The following ZNF680 variants were observed in gnomAD, a reference collection of about 807,000 sequenced individuals.
ZNF680 encodes the protein zinc finger protein 680.
ZNF680 carries 6 observed loss-of-function variants against 12.1 expected under a neutral mutation model. The observed-to-expected ratio is 0.49, with a 90% confidence interval of 0.27 to 0.98. The LOEUF (loss-of-function observed/expected upper bound fraction) is 0.98, where lower values mean the gene tolerates loss of function less well. Ranked by LOEUF, ZNF680 falls within the 50% of genes least tolerant of loss-of-function variation. ZNF680 has a pLI of 0.12. For synonymous variants in ZNF680, 170 were observed against 199.3 expected (o/e 0.85, Z 1.24); for missense variants, 561 against 616.3 (o/e 0.91, Z 0.95).
the ZNF680 span, among the ~76,000 whole-genome samples, chr7:64,512,708 G>C: frequency 6.6e-6 from 1 of 151,840 alleles, no homozygotes; most frequent in South Asian, 2.1e-4. Flanking sequence ...GCTTTACCCA[G>C]AGGCCAATAA....
intron 3 of ZNF680, among the ~76,000 whole-genome samples, chr7:64,539,655 G>A (rs1365554585): frequency 6.6e-6 from 1 of 152,112 alleles, no homozygotes; most frequent in Non-Finnish European, 1.5e-5. Flanking sequence ...TGCTCGAAAT[G>A]TACAACTTTT....
At chr7:64,557,364 GACCA>G (rs1006670519) in intron 1 of ZNF680, among the ~76,000 whole-genome samples, 1 of 151,178 alleles carries the variant, frequency 6.6e-6, no homozygotes, top group Admixed American at 6.6e-5. Flanking sequence ...AGACCAGCCT[GACCA>G]ACATGGTGAA....
chr7:64,521,325 G>C lies in ZNF680; in HGVS notation c.1429C>G (p.Leu477Val). Residue 477 changes from leucine (L) to valine (V), a missense_variant, in exon 4 of 4, where the codon CTT (leucine) becomes GTT (valine). By Grantham distance (32) the Leu-to-Val change is conservative. Transcript: ENST00000309683. ...GCATGAATTCTCTTATGATTAGCAA[G>C]AGTTGCAGGCCAGTTAAAAACATTG... is the stretch of plus-strand genomic sequence containing the variant. ...CGNVFNWPATLANHKRIHARE... is the reference protein window; with the variant it reads ...CGNVFNWPATVANHKRIHARE... The C allele has an allele frequency of 3.7e-6, 6 of 1,613,514 alleles. No individual in the cohort carries two copies. Among genetic ancestry groups the C allele is most frequent in the Non-Finnish European group, 5.1e-6 (6 of 1,179,670 alleles).
intron 1 of ZNF680, among the ~76,000 whole-genome samples, chr7:64,557,145 G>A (rs1027149336): frequency 1.1e-4 from 16 of 151,996 alleles, no homozygotes; most frequent in Admixed American, 5.9e-4. Context: ...CAGCTACTCC[G>A]GAGGCTGAGG....
chr7:64,542,777 C>T (rs1252367762), intron 3 of ZNF680, among the ~76,000 whole-genome samples: 1 of 152,188 alleles, frequency 6.6e-6, no homozygotes, highest in Non-Finnish European at 1.5e-5. Flanking sequence ...CAGCTCACTG[C>T]AGCCTCCACC....
At chr7:64,537,663 C>T (rs952288712) in intron 3 of ZNF680, among the ~76,000 whole-genome samples, 1 of 152,214 alleles carries the variant, frequency 6.6e-6, no homozygotes, top group African/African-American at 2.4e-5. Context: ...TGCGCTGGCT[C>T]ACGCCTGTAA....
downstream of ZNF680, among the ~76,000 whole-genome samples, chr7:64,516,967 G>A (rs116863836): frequency 0.012 from 1,810 of 152,116 alleles, 23 homozygotes; most frequent in Non-Finnish European, 0.02. Context: ...AGCAAAGGCC[G>A]TGCTAAGAGG....
chr7:64,511,441 A>G, the ZNF680 span, among the ~76,000 whole-genome samples: 1 of 152,136 alleles, frequency 6.6e-6, no homozygotes, highest in Non-Finnish European at 1.5e-5. Context: ...CTGACTCAAC[A>G]GCAAGTGGGC....
At chr7:64,548,040 T>C (rs1786874676) in intron 1 of ZNF680, among the ~76,000 whole-genome samples, 1 of 151,898 alleles carries the variant, frequency 6.6e-6, no homozygotes, top group Non-Finnish European at 1.5e-5. Context: ...GGGCAGGGAG[T>C]GGACCCTATG....
intron 3 of ZNF680, among the ~76,000 whole-genome samples, chr7:64,528,259 A>T (rs1000845323): frequency 1.1e-4 from 16 of 152,218 alleles, no homozygotes; most frequent in Non-Finnish European, 2.2e-4. Flanking sequence ...GAAAACCTCC[A>T]GCTGAACTTT....
the ZNF680 span, among the ~76,000 whole-genome samples, chr7:64,512,680 T>C: frequency 3.9e-5 from 6 of 152,162 alleles, no homozygotes; most frequent in African/African-American, 1.2e-4. Flanking sequence ...ACTGTATTTC[T>C]AGCCTTGTTC....
downstream of ZNF680, among the ~76,000 whole-genome samples, chr7:64,515,924 A>C (rs954886273): frequency 6.6e-6 from 1 of 152,066 alleles, no homozygotes; most frequent in Non-Finnish European, 1.5e-5. Context: ...TCAGCTTCTA[A>C]TAGGTCCTGG....
At chr7:64,562,439 C>G (rs184789051) in intron 1 of ZNF680, among the ~76,000 whole-genome samples, 1 of 152,278 alleles carries the variant, frequency 6.6e-6, no homozygotes, top group East Asian at 1.9e-4. Flanking sequence ...TCATCATACA[C>G]CACTTAAAAG....
intron 3 of ZNF680, among the ~76,000 whole-genome samples, chr7:64,524,494 A>C (rs1423241067): frequency 6.6e-6 from 1 of 152,224 alleles, no homozygotes; most frequent in Non-Finnish European, 1.5e-5. Context: ...ATTTGTATAT[A>C]GCAGTGTGTG....
At chr7:64,506,443 C>T in the ZNF680 span, among the ~76,000 whole-genome samples, 1 of 151,978 alleles carries the variant, frequency 6.6e-6, no homozygotes, top group Admixed American at 6.6e-5. Flanking sequence ...CTGCCTCGGC[C>T]TCCCAAAGTG....
At chr7:64,531,766 GA>G (rs1364493790) in intron 3 of ZNF680, among the ~76,000 whole-genome samples, 1 of 152,022 alleles carries the variant, frequency 6.6e-6, no homozygotes, top group Non-Finnish European at 1.5e-5. Flanking sequence ...CCCAACCTAT[GA>G]AAACCTCTGG....
At chr7:64,510,060 A>G in the ZNF680 span, among the ~76,000 whole-genome samples, 11 of 150,740 alleles carry the variant, frequency 7.3e-5, no homozygotes, top group Non-Finnish European at 1.5e-4. Flanking sequence ...ATTCTCTTGC[A>G]TAAGGGCACA....
the ZNF680 span, among the ~76,000 whole-genome samples, chr7:64,512,814 A>T: frequency 2.0e-5 from 3 of 152,146 alleles, no homozygotes; most frequent in Non-Finnish European, 2.9e-5. Context: ...ATGTCTATTT[A>T]AAAAAGCTCT....
the ZNF680 span, among the ~76,000 whole-genome samples, chr7:64,505,493 T>C: frequency 6.6e-6 from 1 of 152,202 alleles, no homozygotes; most frequent in Non-Finnish European, 1.5e-5. Flanking sequence ...CTAGTCTCCA[T>C]GGTATTTTTG....
Sources: allele counts gnomAD v4.1 joint callset (sites outside exome capture counted in the v4.1 genomes callset), GRCh38; gene constraint gnomAD v4.1.1; transcripts MANE v1.5; gene names NCBI Gene and HGNC (gene_info 2026-07-23, HGNC 2026-07-21).